PDE9A: variants seen among roughly 807,000 people sequenced by gnomAD.
PDE9A encodes the protein phosphodiesterase 9A, also known as high affinity cGMP-specific 3',5'-cyclic phosphodiesterase 9A.
PDE9A carries 60 observed loss-of-function variants against 87.4 expected under a neutral mutation model. The ratio of observed to expected loss-of-function variants is 0.69; its 90% CI spans 0.56 to 0.85. The LOEUF (loss-of-function observed/expected upper bound fraction) is 0.85, where lower values mean the gene tolerates loss of function less well. Ranked by LOEUF, PDE9A falls within the 40% of genes least tolerant of loss-of-function variation. The pLI, the probability that PDE9A is intolerant of heterozygous loss-of-function variation, is 0.00. For synonymous variants in PDE9A, 272 were observed against 279.4 expected, an observed-to-expected ratio of 0.97 and a Z score of 0.27; for missense variants, 665 against 779.0, an observed-to-expected ratio of 0.85 and a Z score of 1.74.
At chr21:42,744,803 G>A (rs147199622) in intron 8 of PDE9A, among the ~76,000 whole-genome samples, 4 of 152,324 alleles carry the variant, frequency 2.6e-5, no homozygotes, top group East Asian at 3.9e-4. Flanking sequence ...TGGAAATGCC[G>A]GTAGTAGCAA....
intron 7 of PDE9A, among the ~76,000 whole-genome samples, chr21:42,740,744 ATAG>A (rs2053135322): frequency 7.0e-6 from 1 of 142,236 alleles, no homozygotes; most frequent in Non-Finnish European, 1.5e-5. Flanking sequence ...AGATAGATAG[ATAG>A]ATAAACAGGA....
In PDE9A at chr21:42,708,977, A is replaced by T. The variant is rs535847150; in HGVS notation, c.262+9966A>T. Among the ~76,000 whole-genome samples, 8 of 152,366 alleles carry T rather than the reference A, an allele frequency of 5.3e-5. No individual in the cohort carries two copies. The South Asian group carries it at 1.0e-3, about 20-fold the overall frequency. On this transcript the variant is annotated intron_variant, in intron 4 of 19. Coordinates refer to ENST00000291539, the MANE Select transcript of PDE9A (RefSeq NM_002606.3). ...ATATATACCCAAAGGAATATAAATC[A>T]TTCTATTATAAAGATATATCTACAT...
rs1318973275 is a variant in PDE9A at position 42,712,916 on chromosome 21, G to A, written c.262+13905G>A. Among the ~76,000 whole-genome samples the A allele has an allele frequency of 3.3e-5, 5 of 152,092 alleles. No homozygotes were observed. The East Asian group carries it at 9.6e-4, about 29-fold the overall frequency. ...TGGTTTTTCTGCTTTATTCTATTAAGATAATGAATAATACTGATTGATTTT... is the reference window on the plus strand; with the variant it reads ...TGGTTTTTCTGCTTTATTCTATTAAAATAATGAATAATACTGATTGATTTT... On this transcript the variant is annotated intron_variant, in intron 4 of 19. Coordinates refer to ENST00000291539, the MANE Select transcript of PDE9A (RefSeq NM_002606.3).
At chr21:42,662,882 G>C (rs1424521993) in intron 1 of PDE9A, among the ~76,000 whole-genome samples, 11 of 98,664 alleles carry the variant, frequency 1.1e-4, no homozygotes, top group East Asian at 3.4e-4. Context: ...ACCACACACA[G>C]CACACACAAA....
chr21:42,769,520 G>GCACACACACATA (rs1191389442), intron 17 of PDE9A, among the ~76,000 whole-genome samples: 1 of 52,272 alleles, frequency 1.9e-5, no homozygotes, highest in African/African-American at 7.5e-5. Flanking sequence ...TGCACACAAG[G>GCACACACACATA]CACACAGGCA....
chr21:42,745,558 T>TGGCAAGGCTGGGACCC (rs1823941867), intron 8 of PDE9A, among the ~76,000 whole-genome samples: 1 of 152,224 alleles, frequency 6.6e-6, no homozygotes, highest in Admixed American at 6.5e-5. Context: ...GGCTGGGACC[T>TGGCAAGGCTGGGACCC]GGCAAGGCTG....
At chr21:42,774,061 AGAGC>A (rs1193953790) in intron 19 of PDE9A, among the ~76,000 whole-genome samples, 2 of 152,236 alleles carry the variant, frequency 1.3e-5, no homozygotes, top group East Asian at 1.9e-4. Context: ...CCTGGGTGAC[AGAGC>A]GAGACTCTGT....
intron 4 of PDE9A, among the ~76,000 whole-genome samples, chr21:42,703,414 C>T (rs912611334): frequency 2.0e-5 from 3 of 152,204 alleles, no homozygotes; most frequent in African/African-American, 7.2e-5. Flanking sequence ...GACAGGACAC[C>T]ATCGGGAGCA....
intron 8 of PDE9A, among the ~76,000 whole-genome samples, chr21:42,745,002 C>T (rs1209893152): frequency 2.0e-5 from 3 of 152,328 alleles, no homozygotes; most frequent in Non-Finnish European, 4.4e-5. Flanking sequence ...ACTGCCCGGC[C>T]TCAGTGGGAT....
chr21:42,744,703 C>T (rs1252091598), intron 8 of PDE9A, among the ~76,000 whole-genome samples: 1 of 152,216 alleles, frequency 6.6e-6, no homozygotes, highest in Non-Finnish European at 1.5e-5. Flanking sequence ...CTCCACGATG[C>T]CACCTCCAAA....
intron 18 of PDE9A, among the ~76,000 whole-genome samples, chr21:42,771,032 G>A (rs1353043408): frequency 6.6e-6 from 1 of 152,270 alleles, no homozygotes; most frequent in African/African-American, 2.4e-5. Context: ...CTTCGAGGGA[G>A]TTTACTGGCC....
At chr21:42,719,725 T>G (rs1017690453) in intron 4 of PDE9A, among the ~76,000 whole-genome samples, 4 of 152,094 alleles carry the variant, frequency 2.6e-5, no homozygotes, top group African/African-American at 9.7e-5. Context: ...CTATTGTGTA[T>G]CCTACTGATA....
At chr21:42,762,369 C>CCT in intron 14 of PDE9A, 130 bp downstream of exon 14, 1 of 919,432 alleles carries the variant, frequency 1.1e-6, no homozygotes, top group South Asian at 1.7e-5. Flanking sequence ...CAAGGGAACC[C>CCT]CTCCCTCCTT....
At chr21:42,689,755 T>C (rs1274187982) in intron 3 of PDE9A, 84 of 985,274 alleles carry the variant, frequency 8.5e-5, no homozygotes, top group Non-Finnish European at 9.9e-5. Flanking sequence ...CCCAAATGTC[T>C]GGAAGCTCTC....
intron 8 of PDE9A, among the ~76,000 whole-genome samples, chr21:42,747,320 G>A (rs372742394): frequency 4.6e-5 from 7 of 152,140 alleles, no homozygotes; most frequent in African/African-American, 1.7e-4. Flanking sequence ...GCAGGGTGGG[G>A]GTGGGGGGCC....
chr21:42,711,631 A>T (rs2049352747), intron 4 of PDE9A, among the ~76,000 whole-genome samples: 1 of 152,170 alleles, frequency 6.6e-6, no homozygotes, highest in South Asian at 2.1e-4. Flanking sequence ...TAGAAGATTT[A>T]GAGTTATAGC....
At chr21:42,718,354 G>T (rs1466690232) in intron 4 of PDE9A, among the ~76,000 whole-genome samples, 1 of 151,798 alleles carries the variant, frequency 6.6e-6, no homozygotes, top group African/African-American at 2.4e-5. Flanking sequence ...CAGCAAATTT[G>T]CAAAATTGTC....
At chr21:42,658,894 G>T (rs2145796981) in intron 1 of PDE9A, among the ~76,000 whole-genome samples, 1 of 152,342 alleles carries the variant, frequency 6.6e-6, no homozygotes, top group South Asian at 2.1e-4. Context: ...GAATGGAGGG[G>T]GTGGCGGTGG....
intron 1 of PDE9A, among the ~76,000 whole-genome samples, chr21:42,671,378 T>C (rs2058554422): frequency 6.6e-6 from 1 of 152,244 alleles, no homozygotes; most frequent in Non-Finnish European, 1.5e-5. Context: ...TTGTATATTC[T>C]TTTTCAAATG....
Sources: gnomAD v4.1 joint callset for allele counts (sites outside exome capture counted in the v4.1 genomes callset) on GRCh38, gnomAD v4.1.1 for gene constraint, MANE v1.5 for transcripts, NCBI Gene and HGNC (gene_info 2026-07-23, HGNC 2026-07-21) for gene names.